MYRIP: variants seen among roughly 807,000 people sequenced by gnomAD.
MYRIP encodes myosin VIIA and Rab interacting protein.
MYRIP carries 49 observed loss-of-function variants against 98.0 expected under a neutral mutation model. That is an observed-to-expected ratio of 0.50 (90% confidence interval 0.40 to 0.63). The LOEUF (loss-of-function observed/expected upper bound fraction) is 0.63, where lower values mean the gene tolerates loss of function less well. MYRIP is among the 30% of genes least tolerant of loss of function. The pLI is 0.00. For missense variants in MYRIP, 1,004 were observed against 1,058.2 expected, an observed-to-expected ratio of 0.95 and a Z score of 0.71; for synonymous variants, 404 against 409.5, an observed-to-expected ratio of 0.99 and a Z score of 0.16.
At chr3:39,913,085 A>G (rs928316722) in intron 2 of MYRIP, among the ~76,000 whole-genome samples, 3 of 152,320 alleles carry the variant, frequency 2.0e-5, no homozygotes, top group South Asian at 4.2e-4. Context: ...ACATTCTTCA[A>G]TATTCCTGTA....
intron 9 of MYRIP, among the ~76,000 whole-genome samples, chr3:40,185,550 C>T (rs1375417453): frequency 6.6e-6 from 1 of 152,000 alleles, no homozygotes; most frequent in East Asian, 1.9e-4. Context: ...TAATGCTGCT[C>T]AACAACCACC....
intron 11 of MYRIP, among the ~76,000 whole-genome samples, chr3:40,222,550 C>G (rs928643531): frequency 2.0e-5 from 3 of 152,118 alleles, no homozygotes; most frequent in Admixed American, 2.0e-4. Flanking sequence ...TGTTTATTAC[C>G]TCTCTGTCCC....
intron 7 of MYRIP, among the ~76,000 whole-genome samples, chr3:40,169,576 A>G (rs1027900099): frequency 4.6e-5 from 7 of 152,156 alleles, no homozygotes; most frequent in Non-Finnish European, 8.8e-5. Context: ...GTGTAGCCTT[A>G]TCCAATAACT....
intron 8 of MYRIP, among the ~76,000 whole-genome samples, chr3:40,179,935 T>C (rs1950848225): frequency 6.6e-6 from 1 of 152,222 alleles, no homozygotes; most frequent in South Asian, 2.1e-4. Flanking sequence ...TAACTTCACT[T>C]GCCAGTTGAC....
At chr3:40,243,496 A>G (rs1463891761) in intron 12 of MYRIP, among the ~76,000 whole-genome samples, 1 of 147,916 alleles carries the variant, frequency 6.8e-6, no homozygotes, top group African/African-American at 2.6e-5. Flanking sequence ...GGAAACTGTT[A>G]AAGTCTTGGC....
At chr3:40,086,849 GC>G (rs1292113404) in intron 3 of MYRIP, among the ~76,000 whole-genome samples, 1 of 151,876 alleles carries the variant, frequency 6.6e-6, no homozygotes, top group Admixed American at 6.6e-5. Flanking sequence ...GACAGCCATG[GC>G]CCCCCACATT....
chr3:40,258,220 G>A lies in MYRIP; in HGVS notation c.*54G>A. The A allele has an allele frequency of 6.2e-7, 1 of 1,605,830 alleles. No homozygotes were observed. Among genetic ancestry groups the A allele is most frequent in the Admixed American group, 1.7e-5 (1 of 59,992 alleles). On this transcript the variant is annotated 3_prime_UTR_variant, in exon 17 of 17. Transcript: ENST00000302541. ...ACTGCCTCCGGCCGTACACGACAGT[G>A]CCTTGACCCAACAGCCATCGAGTAC...
chr3:40,018,586 C>T (rs1946921862), intron 2 of MYRIP, among the ~76,000 whole-genome samples: 1 of 152,170 alleles, frequency 6.6e-6, no homozygotes, highest in Admixed American at 6.5e-5. Context: ...TTCACATCCT[C>T]TCAAATGTTT....
In MYRIP at chr3:39,907,434, G is replaced by A. The variant is rs149984374; in HGVS notation, c.110+6508G>A. On this transcript the variant is annotated intron_variant, in intron 2 of 16. Coordinates refer to ENST00000302541, the MANE Select transcript of MYRIP (RefSeq NM_015460.4). The stretch of plus-strand genomic sequence containing the variant: ...TAATCGACAGTGAGAGGAAGGGCCT[G>A]TATTACTTCCAGGTCGGGGCACTTA... 2.0e-4 allele frequency among the ~76,000 whole-genome samples: 31 copies of A among 152,142 alleles called. 1 individual carries two copies. The highest frequency in any genetic ancestry group is 6.5e-4 in the Admixed American group (10 of 15,274).
At chr3:40,038,262 TGAGA>T (rs1268536996) in intron 2 of MYRIP, among the ~76,000 whole-genome samples, 1 of 152,138 alleles carries the variant, frequency 6.6e-6, no homozygotes, top group Non-Finnish European at 1.5e-5. Context: ...AATGATGTGT[TGAGA>T]GAGTTTTATA....
chr3:39,871,741 A>G (rs1220942428), intron 1 of MYRIP, among the ~76,000 whole-genome samples: 7 of 152,208 alleles, frequency 4.6e-5, no homozygotes, highest in African/African-American at 7.2e-5. Flanking sequence ...ATAGTTGTCT[A>G]ATGGAGATAG....
intron 2 of MYRIP, among the ~76,000 whole-genome samples, chr3:40,022,387 T>A (rs929631557): frequency 6.6e-6 from 1 of 152,112 alleles, no homozygotes; most frequent in Non-Finnish European, 1.5e-5. Flanking sequence ...ATTTGAAATG[T>A]GAGTCTTCAA....
At chr3:40,136,066 C>G (rs533968102) in intron 3 of MYRIP, among the ~76,000 whole-genome samples, 18 of 152,280 alleles carry the variant, frequency 1.2e-4, no homozygotes, top group African/African-American at 4.1e-4. Context: ...GCTAAATGCT[C>G]CAACTAAAAG....
chr3:39,967,002 CTA>C (rs1945457991), intron 2 of MYRIP, among the ~76,000 whole-genome samples: 1 of 152,190 alleles, frequency 6.6e-6, no homozygotes, highest in African/African-American at 2.4e-5. Context: ...CCTGAACAAG[CTA>C]TGTCATTTCT....
At chr3:39,994,706 G>A (rs989541876) in intron 2 of MYRIP, among the ~76,000 whole-genome samples, 7 of 152,220 alleles carry the variant, frequency 4.6e-5, no homozygotes, top group African/African-American at 1.7e-4. Context: ...CTCCCAGCAT[G>A]CAGCTGGAGA....
At chr3:39,907,962 A>G (rs1322794453) in intron 2 of MYRIP, among the ~76,000 whole-genome samples, 2 of 152,210 alleles carry the variant, frequency 1.3e-5, no homozygotes, top group Non-Finnish European at 2.9e-5. Flanking sequence ...GGTTTTAAAA[A>G]TGACTGTTAA....
At chr3:39,923,039 C>G (rs554603134) in intron 2 of MYRIP, among the ~76,000 whole-genome samples, 1 of 151,822 alleles carries the variant, frequency 6.6e-6, no homozygotes, top group Non-Finnish European at 1.5e-5. Flanking sequence ...AAAGAAGAAC[C>G]AAGTAGAAAT....
chr3:39,868,636 G>A (rs1216738667), intron 1 of MYRIP, among the ~76,000 whole-genome samples: 2 of 152,060 alleles, frequency 1.3e-5, no homozygotes, highest in Non-Finnish European at 1.5e-5. Context: ...CTGATCCTTT[G>A]ACATCTGGAG....
intron 2 of MYRIP, among the ~76,000 whole-genome samples, chr3:40,010,919 T>C (rs373509834): frequency 6.6e-6 from 1 of 152,236 alleles, no homozygotes; most frequent in Non-Finnish European, 1.5e-5. Flanking sequence ...CCTGCTCTTC[T>C]GTCTCAGAGT....
Sources: gnomAD v4.1 joint callset for allele counts (sites outside exome capture counted in the v4.1 genomes callset) on GRCh38, gnomAD v4.1.1 for gene constraint, MANE v1.5 for transcripts, NCBI Gene and HGNC (gene_info 2026-07-23, HGNC 2026-07-21) for gene names.